The following PPM1H variants were observed in gnomAD, a reference collection of about 807,000 sequenced individuals.
PPM1H encodes the protein protein phosphatase, Mg2+/Mn2+ dependent 1H, also known as protein phosphatase 1H.
PPM1H carries 27 observed loss-of-function variants against 54.9 expected under a neutral mutation model. The ratio of observed to expected loss-of-function variants is 0.49; its 90% CI spans 0.36 to 0.68. PPM1H has a LOEUF of 0.68. PPM1H is among the 30% of genes least tolerant of loss of function. The pLI, the probability that PPM1H is intolerant of heterozygous loss-of-function variation, is 0.00. For missense variants in PPM1H, 596 were observed against 667.8 expected (o/e 0.89, Z 1.19); for synonymous variants, 305 against 270.8 (o/e 1.13, Z -1.24).
intron 1 of PPM1H, among the ~76,000 whole-genome samples, chr12:62,882,000 T>C (rs1870413600): frequency 6.6e-6 from 1 of 152,272 alleles, no homozygotes; most frequent in South Asian, 2.1e-4. Context: ...ACTATCAGGG[T>C]TTTGTCCTAA....
intron 5 of PPM1H, among the ~76,000 whole-genome samples, chr12:62,735,668 C>A (rs1387887427): frequency 6.6e-6 from 1 of 152,166 alleles, no homozygotes; most frequent in Non-Finnish European, 1.5e-5. Flanking sequence ...CCAGAACAAG[C>A]AACACCATAT....
intron 6 of PPM1H, among the ~76,000 whole-genome samples, chr12:62,696,414 A>G (rs1208713222): frequency 1.3e-5 from 2 of 152,210 alleles, no homozygotes; most frequent in Admixed American, 6.5e-5. Flanking sequence ...TTTTCAATCA[A>G]CTATGAGCAC....
At position 62,881,128 on chromosome 12, in the gene PPM1H, T is replaced by A. The variant is rs575889738; in HGVS notation, c.246-48849A>T. On this transcript the variant is annotated intron_variant, in intron 1 of 9. Coordinates refer to ENST00000228705, the MANE Select transcript of PPM1H (RefSeq NM_020700.2). The stretch of plus-strand genomic sequence containing the variant: ...CATCTGTGATGGCTTTGTGGTGTCA[T>A]TTTGGCCAGGCTAAACAATATCCCC... Among the ~76,000 whole-genome samples the A allele has an allele frequency of 9.8e-5, 15 of 152,308 alleles. No individual in the cohort carries two copies. In the South Asian group the frequency reaches 3.1e-3, roughly 32 times the overall value.
intron 8 of PPM1H, among the ~76,000 whole-genome samples, chr12:62,670,220 A>G (rs765277937): frequency 5.3e-5 from 8 of 151,690 alleles, no homozygotes; most frequent in Non-Finnish European, 8.8e-5. Context: ...CAGGTGATCC[A>G]CCCACCTCGG....
intron 8 of PPM1H, among the ~76,000 whole-genome samples, chr12:62,677,615 G>A (rs964193714): frequency 2.0e-5 from 3 of 152,124 alleles, no homozygotes; most frequent in Non-Finnish European, 4.4e-5. Flanking sequence ...TTGCTTACTC[G>A]CTCACACACC....
chr12:62,669,463 G>A (rs1223736418), intron 8 of PPM1H, among the ~76,000 whole-genome samples: 2 of 152,116 alleles, frequency 1.3e-5, no homozygotes, highest in Non-Finnish European at 2.9e-5. Flanking sequence ...AATGCTGCAG[G>A]TTCACAGACC....
intron 4 of PPM1H, among the ~76,000 whole-genome samples, chr12:62,763,159 T>C (rs1309007465): frequency 6.6e-6 from 1 of 152,166 alleles, no homozygotes; most frequent in Non-Finnish European, 1.5e-5. Flanking sequence ...AATGGTCTTT[T>C]CAGGTCTGTG....
chr12:62,689,097 C>T (rs1413346032), intron 8 of PPM1H, among the ~76,000 whole-genome samples: 1 of 152,178 alleles, frequency 6.6e-6, no homozygotes, highest in Non-Finnish European at 1.5e-5. Context: ...AGAGACATTA[C>T]TTCTGGTTGG....
At chr12:62,818,777 A>C (rs577321814) in intron 2 of PPM1H, among the ~76,000 whole-genome samples, 1 of 150,686 alleles carries the variant, frequency 6.6e-6, no homozygotes, top group Non-Finnish European at 1.5e-5. Flanking sequence ...ACTATACTAC[A>C]TACCTGCTTC....
rs117536181 is a variant in PPM1H, at chr12:62,869,942, G to C, written c.246-37663C>G. Among the ~76,000 whole-genome samples the C allele has an allele frequency of 9.3e-3, 1,418 of 152,228 alleles. 12 individuals are homozygous for C. Among genetic ancestry groups the C allele is most frequent in the Admixed American group, 0.014 (217 of 15,292 alleles). On this transcript the variant is annotated intron_variant, in intron 1 of 9. Transcript: ENST00000228705. ...GTTGCCTTACAGTGCCTCAGAGAGA[G>C]GCCTTCCCAATCCTTCATCGAGGAG... is the stretch of plus-strand genomic sequence containing the variant.
intron 6 of PPM1H, among the ~76,000 whole-genome samples, chr12:62,700,269 T>C (rs1350316426): frequency 1.3e-5 from 2 of 152,238 alleles, no homozygotes; most frequent in South Asian, 2.1e-4. Flanking sequence ...ACCCTGGTCA[T>C]GTGGCCTGCA....
intron 4 of PPM1H, among the ~76,000 whole-genome samples, chr12:62,764,688 CAG>C (rs1321586409): frequency 2.0e-5 from 3 of 152,090 alleles, no homozygotes; most frequent in Admixed American, 6.5e-5. Context: ...GATGGGGAAG[CAG>C]AGAGGGCAGT....
chr12:62,649,272 A>G (rs926736468), intron 9 of PPM1H, among the ~76,000 whole-genome samples: 1 of 149,196 alleles, frequency 6.7e-6, no homozygotes, highest in African/African-American at 2.5e-5. Context: ...TGAGCTGCTT[A>G]CTTGTCAGCG....
intron 4 of PPM1H, among the ~76,000 whole-genome samples, chr12:62,769,573 T>C (rs2076565793): frequency 6.6e-6 from 1 of 152,220 alleles, no homozygotes. Context: ...TCATTCAATG[T>C]CTTCTATGGG....
At chr12:62,749,783 A>T (rs1390691376) in intron 4 of PPM1H, among the ~76,000 whole-genome samples, 2 of 152,266 alleles carry the variant, frequency 1.3e-5, no homozygotes, top group Non-Finnish European at 2.9e-5. Flanking sequence ...GTCAAGGGAA[A>T]AATATTTCAG....
chr12:62,802,845 A>C (rs1592607061), intron 2 of PPM1H, among the ~76,000 whole-genome samples: 1 of 151,968 alleles, frequency 6.6e-6, no homozygotes, highest in African/African-American at 2.4e-5. Flanking sequence ...TGGCCTCCTA[A>C]AGTGCTGAGA....
At chr12:62,773,466 C>T (rs921258419) in intron 4 of PPM1H, among the ~76,000 whole-genome samples, 1 of 152,046 alleles carries the variant, frequency 6.6e-6, no homozygotes, top group Non-Finnish European at 1.5e-5. Flanking sequence ...CAGACTCAAA[C>T]CCTGTCTCTA....
chr12:62,752,267 A>G (rs1016176024), intron 4 of PPM1H, among the ~76,000 whole-genome samples: 4 of 152,234 alleles, frequency 2.6e-5, no homozygotes, highest in Non-Finnish European at 5.9e-5. Context: ...CTCACATATA[A>G]GAGTCAGTAG....
intron 1 of PPM1H, among the ~76,000 whole-genome samples, chr12:62,849,636 G>C (rs1037938253): frequency 2.0e-5 from 3 of 152,138 alleles, no homozygotes; most frequent in African/African-American, 7.2e-5. Flanking sequence ...GTGCCCACTA[G>C]ATATGGCAAA....
Sources: gnomAD v4.1 joint callset for allele counts (sites outside exome capture counted in the v4.1 genomes callset) on GRCh38, gnomAD v4.1.1 for gene constraint, MANE v1.5 for transcripts, NCBI Gene and HGNC (gene_info 2026-07-23, HGNC 2026-07-21) for gene names.